Variants in PPP4R2 observed in about 807,000 individuals in gnomAD.
The protein encoded by PPP4R2 is serine/threonine-protein phosphatase 4 regulatory subunit 2.
A neutral mutation model predicts 47.2 loss-of-function variants in PPP4R2; 13 were observed. That is an observed-to-expected ratio of 0.28 (90% CI 0.18 to 0.44). The LOEUF (loss-of-function observed/expected upper bound fraction) is 0.44, where lower values mean the gene tolerates loss of function less well. Ranked by LOEUF, PPP4R2 falls within the 20% of genes least tolerant of loss-of-function variation. The probability of loss-of-function intolerance (pLI) is 1.00; values close to 1 mark genes in which losing one functional copy is unlikely to be tolerated. For missense variants in PPP4R2, 421 were observed against 491.2 expected (o/e 0.86, Z 1.35); for synonymous variants, 151 against 163.3 (o/e 0.92, Z 0.57).
chr3:73,065,368 T>G (rs1317945741), intron 8 of PPP4R2, 29 bp from the exon 9 acceptor site: 1 of 1,544,916 alleles, frequency 6.5e-7, no homozygotes, highest in Non-Finnish European at 8.7e-7. Flanking sequence ...AAATACAATT[T>G]AACTACAACA....
At chr3:73,020,152 C>G (rs909978682) in intron 2 of PPP4R2, among the ~76,000 whole-genome samples, 16 of 152,136 alleles carry the variant, frequency 1.1e-4, no homozygotes, top group African/African-American at 3.9e-4. Context: ...AGTGTGCCAG[C>G]ATAGTCAGGT....
At chr3:73,022,474 T>C (rs569847343) in intron 2 of PPP4R2, among the ~76,000 whole-genome samples, 1 of 152,316 alleles carries the variant, frequency 6.6e-6, no homozygotes, top group African/African-American at 2.4e-5. Context: ...AGCCTCATAA[T>C]GTGTGAAGTG....
chr3:73,035,510 G>A (rs999607828), intron 2 of PPP4R2, among the ~76,000 whole-genome samples: 1 of 152,224 alleles, frequency 6.6e-6, no homozygotes, highest in Non-Finnish European at 1.5e-5. Flanking sequence ...GGGAAACAGT[G>A]TAGAGATTCC....
At chr3:73,020,385 T>G (rs1701933863) in intron 2 of PPP4R2, among the ~76,000 whole-genome samples, 1 of 151,998 alleles carries the variant, frequency 6.6e-6, no homozygotes, top group Non-Finnish European at 1.5e-5. Flanking sequence ...TGGCCAGTTG[T>G]GGTGGGTGGC....
chr3:73,024,295 A>G (rs1440381816), intron 2 of PPP4R2, among the ~76,000 whole-genome samples: 2 of 152,192 alleles, frequency 1.3e-5, no homozygotes, highest in Non-Finnish European at 2.9e-5. Context: ...TCAAACTAAA[A>G]TCAAGGGATA....
intron 2 of PPP4R2, among the ~76,000 whole-genome samples, chr3:73,037,954 G>A (rs1380722650): frequency 6.6e-6 from 1 of 152,172 alleles, no homozygotes; most frequent in South Asian, 2.1e-4. Flanking sequence ...GTCAAGGATT[G>A]TTACATATTT....
rs184913169 is a variant in PPP4R2 at position 73,035,305 on chromosome 3, T to G, written c.117-11881T>G. 3.8e-3 allele frequency among the ~76,000 whole-genome samples: 575 copies of G among 152,014 alleles called. 3 individuals carry two copies. Among genetic ancestry groups the G allele is most frequent in the African/African-American group, 0.013 (555 of 41,452 alleles). On this transcript the variant is annotated intron_variant, in intron 2 of 8. Coordinates refer to ENST00000356692, the MANE Select transcript of PPP4R2 (RefSeq NM_174907.4). ...GTCCCAGCTACTCGGGAAGCTGAGG[T>G]GGGAGCATCACTTGAGCCGAGGAGG... is the stretch of plus-strand genomic sequence containing the variant.
At position 73,065,588 on chromosome 3, in the gene PPP4R2, T is replaced by A. The variant is rs753669796; in HGVS notation, c.1120T>A (p.Ser374Thr). Reference sequence around the variant, plus strand: ...AAACGAAGGCCCTGTAAGTAGTAGTTCTTCTGACTGCCGTGAAACAGAAGA... The same window carrying A: ...AAACGAAGGCCCTGTAAGTAGTAGTACTTCTGACTGCCGTGAAACAGAAGA... Reference protein sequence around the residue: ...SENEGPVSSSSSDCRETEELV... With the variant: ...SENEGPVSSSTSDCRETEELV... The change falls in exon 9 of 9, where the codon TCT (serine) becomes ACT (threonine). Residue 374 changes from serine to threonine, a missense_variant. By Grantham distance (58) the Ser-to-Thr change is moderately conservative. Transcript: ENST00000356692. 9.3e-6 allele frequency: 15 copies of A among 1,613,584 alleles called. No individual in the cohort carries two copies. The highest frequency in any genetic ancestry group is 1.3e-5 in the Non-Finnish European group (15 of 1,179,694).
At chr3:73,047,102 C>A in intron 2 of PPP4R2, 84 bp from the exon 3 acceptor site, 1 of 763,382 alleles carries the variant, frequency 1.3e-6, no homozygotes, top group Non-Finnish European at 2.1e-6. Context: ...GTATTAGTGT[C>A]ATAGTATATT....
At chr3:73,061,256 G>C (rs1031240558) in intron 5 of PPP4R2, 196 bp downstream of exon 5, 27 of 293,580 alleles carry the variant, frequency 9.2e-5, no homozygotes, top group Non-Finnish European at 1.5e-4. Flanking sequence ...TTCCATTAAA[G>C]AGATTTGGAT....
chr3:73,051,372 G>A (rs1458532639), intron 3 of PPP4R2, among the ~76,000 whole-genome samples: 1 of 152,210 alleles, frequency 6.6e-6, no homozygotes, highest in Non-Finnish European at 1.5e-5. Context: ...CTTCGGTACT[G>A]TATATGTGTC....
At position 72,996,898 on chromosome 3, in the gene PPP4R2, C is replaced by T; in HGVS notation, c.-140C>T. The T allele has an allele frequency of 2.0e-6, 1 of 510,966 alleles. No homozygotes were observed. The highest frequency in any genetic ancestry group is 3.5e-5 in the East Asian group (1 of 28,408). 31.7% of individuals were successfully genotyped at this position (510,966 alleles called of 1,614,324 possible). A position where few individuals can be genotyped will look rare whatever the true frequency, so the allele number is the denominator to read the frequency against. The stretch of plus-strand genomic sequence containing the variant: ...TCTCTCGCACGCTTCCCCCGGCTCC[C>T]TTCGTTTCCCCCCCCCGGTCGCCTG... On this transcript the variant is annotated 5_prime_UTR_variant, in exon 1 of 9. Transcript: ENST00000356692.
At chr3:73,021,012 C>T (rs1175070339) in intron 2 of PPP4R2, among the ~76,000 whole-genome samples, 2 of 152,040 alleles carry the variant, frequency 1.3e-5, no homozygotes, top group Non-Finnish European at 2.9e-5. Context: ...GGTAAGGGCA[C>T]ACATTTGGTA....
intron 2 of PPP4R2, among the ~76,000 whole-genome samples, chr3:73,039,720 G>C (rs1006726367): frequency 5.3e-5 from 8 of 152,076 alleles, no homozygotes; most frequent in Non-Finnish European, 1.0e-4. Context: ...CCAGTACAAA[G>C]GACATCCTCC....
chr3:73,059,027 T>A lies in PPP4R2; in HGVS notation c.288-10T>A, dbSNP rs201905321. 11 of 1,512,066 alleles carry A rather than the reference T, an allele frequency of 7.3e-6. No homozygotes were observed. The highest frequency in any genetic ancestry group is 3.7e-5 in the Admixed American group (2 of 53,906). 93.7% of individuals were successfully genotyped at this position (1,512,066 alleles called of 1,614,324 possible). A position where few individuals can be genotyped will look rare whatever the true frequency, so the allele number is the denominator to read the frequency against. Reference sequence around the variant, plus strand: ...GTGATCTCACACTGTAAAATTATATTTTTTTGCAGTATCCCTTTTACTATT... The same window carrying A: ...GTGATCTCACACTGTAAAATTATATATTTTTGCAGTATCCCTTTTACTATT... On this transcript the variant is annotated splice_polypyrimidine_tract_variant and intron_variant, in intron 3 of 8. Transcript: ENST00000356692.
intron 3 of PPP4R2, among the ~76,000 whole-genome samples, chr3:73,050,919 T>A (rs935045005): frequency 3.9e-5 from 6 of 152,210 alleles, no homozygotes; most frequent in Non-Finnish European, 4.4e-5. Context: ...TGCCTTTTTT[T>A]TATTTTTTTC....
intron 2 of PPP4R2, among the ~76,000 whole-genome samples, chr3:73,006,190 ATTTTT>A (rs71624000): frequency 8.1e-6 from 1 of 124,178 alleles, no homozygotes; most frequent in African/African-American, 3.1e-5. Flanking sequence ...ATATGCCACA[ATTTTT>A]TTTTTTTTTT....
At chr3:73,064,709 CTCT>C in intron 7 of PPP4R2, 140 bp from the exon 8 acceptor site, 1 of 734,272 alleles carries the variant, frequency 1.4e-6, no homozygotes, top group Non-Finnish European at 2.3e-6. Flanking sequence ...TGAAATTATT[CTCT>C]TGTGTTTTTC....
Position 73,066,579 on chromosome 3 carries a change from A to G in PPP4R2, c.*857A>G, listed in dbSNP as rs529191888. The G allele has an allele frequency of 5.9e-5, 9 of 152,178 alleles. No homozygotes were observed. Among genetic ancestry groups the G allele is most frequent in the South Asian group, 2.1e-4 (1 of 4,826 alleles). 9.4% of individuals were successfully genotyped at this position (152,178 alleles called of 1,614,324 possible). A position where few individuals can be genotyped will look rare whatever the true frequency, so the allele number is the denominator to read the frequency against. On this transcript the variant is annotated 3_prime_UTR_variant, in exon 9 of 9. Coordinates refer to ENST00000356692, the MANE Select transcript of PPP4R2 (RefSeq NM_174907.4). Reference sequence around the variant, plus strand: ...AATTGTGTTCAAATGTTAGCTTACTATTTTGTAGAATGAATGTTTATGAAG... The same window carrying G: ...AATTGTGTTCAAATGTTAGCTTACTGTTTTGTAGAATGAATGTTTATGAAG...
Sources: allele counts gnomAD v4.1 joint callset (sites outside exome capture counted in the v4.1 genomes callset), GRCh38; gene constraint gnomAD v4.1.1; transcripts MANE v1.5; gene names NCBI Gene and HGNC (gene_info 2026-07-23, HGNC 2026-07-21).